MALRD1: variants seen among roughly 807,000 people sequenced by gnomAD.
MALRD1 encodes MAM and LDL-receptor class A domain-containing protein 1.
A neutral mutation model predicts 242.1 loss-of-function variants in MALRD1; 247 were observed. The observed-to-expected ratio is 1.02, with a 90% CI of 0.92 to 1.13. The LOEUF is 1.13. MALRD1 is among the 50% of genes most tolerant of loss of function. The probability of loss-of-function intolerance (pLI) is 0.00; values close to 1 mark genes in which losing one functional copy is unlikely to be tolerated. For synonymous variants in MALRD1, 995 were observed against 866.6 expected (o/e 1.15, Z -2.60); for missense variants, 2,989 against 2,533.1 (o/e 1.18, Z -3.86).
intron 35 of MALRD1, among the ~76,000 whole-genome samples, chr10:19,612,969 A>G (rs1022144818): frequency 2.0e-5 from 3 of 151,524 alleles, no homozygotes; most frequent in African/African-American, 7.3e-5. Flanking sequence ...TTAACAGGCT[A>G]CTCTCTCATG....
At chr10:19,273,217 G>T (rs1840344333) in intron 19 of MALRD1, among the ~76,000 whole-genome samples, 1 of 151,928 alleles carries the variant, frequency 6.6e-6, no homozygotes, top group South Asian at 2.1e-4. Context: ...TCCATAATTG[G>T]GAAAATACAA....
intron 26 of MALRD1, among the ~76,000 whole-genome samples, chr10:19,382,849 C>G (rs1259177704): frequency 6.6e-6 from 1 of 152,148 alleles, no homozygotes; most frequent in Non-Finnish European, 1.5e-5. Flanking sequence ...TGTACCACTC[C>G]TGCTACTCAG....
Position 19,567,616 on chromosome 10 carries a change from G to T in MALRD1, c.5593G>T (p.Val1865Leu), listed in dbSNP as rs918741950. 4 of 1,550,582 alleles carry T rather than the reference G, an allele frequency of 2.6e-6. No individual in the cohort carries two copies. Among genetic ancestry groups the T allele is most frequent in the Non-Finnish European group, 2.6e-6 (3 of 1,146,998 alleles). Residue 1865 changes from valine to leucine, a missense_variant, in exon 33 of 40, where the codon GTG becomes TTG. Val to Leu is a conservative substitution (Grantham distance 32). Transcript: ENST00000454679. ...TCTCTCCAGTAACAGTCCGTTTAAG[G>T]TGGCATTTGAAGCTGATTTGGATGG... ...VPLSSNSPFK[V>L]AFEADLDGNE...
intron 13 of MALRD1, among the ~76,000 whole-genome samples, chr10:19,169,089 A>G (rs1253160231): frequency 6.6e-6 from 1 of 152,232 alleles, no homozygotes; most frequent in Non-Finnish European, 1.5e-5. Context: ...ATGAGTTTAG[A>G]GGCAAAACCC....
intron 29 of MALRD1, among the ~76,000 whole-genome samples, chr10:19,476,194 G>A (rs1275569266): frequency 6.6e-6 from 1 of 152,072 alleles, no homozygotes; most frequent in Admixed American, 6.6e-5. Flanking sequence ...GGTGTTTACG[G>A]AAATGTGCTC....
At chr10:19,156,027 G>C (rs1175715549) in intron 12 of MALRD1, among the ~76,000 whole-genome samples, 2 of 151,942 alleles carry the variant, frequency 1.3e-5, no homozygotes, top group African/African-American at 4.8e-5. Context: ...CATGCCTCTC[G>C]GCCCTTAGGA....
At chr10:19,230,058 T>C (rs1588732296) in intron 18 of MALRD1, among the ~76,000 whole-genome samples, 1 of 152,252 alleles carries the variant, frequency 6.6e-6, no homozygotes, top group East Asian at 1.9e-4. Flanking sequence ...GCGAAACCCC[T>C]TTCGCCTTTC....
At chr10:19,553,321 A>G (rs953754166) in intron 32 of MALRD1, among the ~76,000 whole-genome samples, 2 of 152,188 alleles carry the variant, frequency 1.3e-5, no homozygotes, top group Non-Finnish European at 2.9e-5. Context: ...ATGTATGGAT[A>G]TATGTATATA....
intron 21 of MALRD1, among the ~76,000 whole-genome samples, chr10:19,307,070 G>A (rs991628361): frequency 2.9e-4 from 44 of 151,454 alleles, no homozygotes; most frequent in Non-Finnish European, 4.7e-4. Context: ...AATTGTAAGG[G>A]AACAACATTT....
In MALRD1 at chr10:19,734,248, A is replaced by G; in HGVS notation, c.*11A>G. On this transcript the variant is annotated 3_prime_UTR_variant, in exon 40 of 40. Transcript: ENST00000454679. ...CATCATCTCAAATAGCAGCATCGAG[A>G]CCAAGTCTGATCCAACATGTGTAGT... is the stretch of plus-strand genomic sequence containing the variant. The G allele has an allele frequency of 6.5e-7, 1 of 1,529,726 alleles. No individual in the cohort carries two copies. The highest frequency in any genetic ancestry group is 8.8e-7 in the Non-Finnish European group (1 of 1,141,158). 94.8% of individuals were successfully genotyped at this position (1,529,726 alleles called of 1,614,324 possible). A position where few individuals can be genotyped will look rare whatever the true frequency, so the allele number is the denominator to read the frequency against.
chr10:19,146,445 T>G (rs1404925456), intron 11 of MALRD1, 101 bp downstream of exon 11: 1 of 1,038,908 alleles, frequency 9.6e-7, no homozygotes, highest in African/African-American at 1.7e-5. Context: ...ACTGTATACA[T>G]GGAACTCTGG....
At chr10:19,102,221 T>C (rs574286456) in intron 4 of MALRD1, among the ~76,000 whole-genome samples, 1 of 150,854 alleles carries the variant, frequency 6.6e-6, no homozygotes, top group South Asian at 2.1e-4. Context: ...ATCCTAGCTA[T>C]ATCTTGGATT....
intron 18 of MALRD1, among the ~76,000 whole-genome samples, chr10:19,212,041 CT>C (rs1837094859): frequency 6.6e-6 from 1 of 152,102 alleles, no homozygotes; most frequent in African/African-American, 2.4e-5. Context: ...TCATGTGTGC[CT>C]TGGTCAGTAA....
intron 29 of MALRD1, among the ~76,000 whole-genome samples, chr10:19,461,849 C>G (rs888509337): frequency 3.9e-5 from 6 of 152,104 alleles, no homozygotes; most frequent in Admixed American, 1.3e-4. Context: ...TTCAGCTCAT[C>G]TATTTAATTT....
At chr10:19,433,736 G>A (rs1834239117) in intron 28 of MALRD1, among the ~76,000 whole-genome samples, 1 of 152,036 alleles carries the variant, frequency 6.6e-6, no homozygotes, top group African/African-American at 2.4e-5. Context: ...AGAATACAAA[G>A]GCTCAGTGAA....
At chr10:19,567,750 TCTAA>T in intron 33 of MALRD1, 47 bp downstream of exon 33, 1 of 1,461,498 alleles carries the variant, frequency 6.8e-7, no homozygotes, top group Non-Finnish European at 9.4e-7. Context: ...GTTTTTAGTA[TCTAA>T]ATATACTAAA....
At chr10:19,472,132 A>C (rs1349725583) in intron 29 of MALRD1, among the ~76,000 whole-genome samples, 1 of 152,034 alleles carries the variant, frequency 6.6e-6, no homozygotes, top group African/African-American at 2.4e-5. Context: ...AATTTGTCAA[A>C]TGCTTTTTCT....
At chr10:19,458,595 A>C (rs568640452) in intron 29 of MALRD1, among the ~76,000 whole-genome samples, 1 of 152,300 alleles carries the variant, frequency 6.6e-6, no homozygotes, top group Admixed American at 6.5e-5. Context: ...TTTGAATGAC[A>C]TCAGTTTCTT....
intron 19 of MALRD1, among the ~76,000 whole-genome samples, chr10:19,271,729 C>T (rs1840254531): frequency 6.6e-6 from 1 of 152,190 alleles, no homozygotes; most frequent in Admixed American, 6.5e-5. Context: ...CACCACTGCA[C>T]TCCATCCTGG....
Sources: allele counts gnomAD v4.1 joint callset (sites outside exome capture counted in the v4.1 genomes callset), GRCh38; gene constraint gnomAD v4.1.1; transcripts MANE v1.5; gene names NCBI Gene and HGNC (gene_info 2026-07-23, HGNC 2026-07-21).